CANX: variants seen among roughly 807,000 people sequenced by gnomAD.
The protein encoded by CANX is epididymis secretory sperm binding protein.
Under a neutral mutation model 75.7 loss-of-function variants are expected in CANX, and 14 were observed. The observed-to-expected ratio is 0.19, with a 90% CI of 0.12 to 0.29. CANX has a LOEUF of 0.29. Ranked by LOEUF, CANX falls within the 10% of genes least tolerant of loss-of-function variation. The pLI, the probability that CANX is intolerant of heterozygous loss-of-function variation, is 1.00. For synonymous variants in CANX, 227 were observed against 236.9 expected (o/e 0.96, Z 0.38); for missense variants, 567 against 713.2 (o/e 0.79, Z 2.34).
chr5:179,708,458 T>A lies in CANX; in HGVS notation c.446+78T>A, dbSNP rs536004814. 3.7e-5 allele frequency: 49 copies of A among 1,334,232 alleles called. No homozygotes were observed. In the African/African-American group the frequency reaches 6.6e-4, roughly 18 times the overall value. 82.6% of individuals were successfully genotyped at this position (1,334,232 alleles called of 1,614,324 possible). ...GACATTATGTAACTTTTACTCTATG[T>A]TAAAAAATTATGAGATTATATAAGT... On this transcript the variant is annotated intron_variant, in intron 5 of 14. Transcript: ENST00000247461.
At chr5:179,694,508 C>T (rs1005449362), upstream of CANX, 3 of 758,718 alleles carry the variant, frequency 4.0e-6, no homozygotes, top group South Asian at 1.4e-5. Context: ...AAATCCGCCC[C>T]AAGATCAAAT....
intron 1 of CANX, 131 bp from the exon 2 acceptor site, chr5:179,705,548 G>A: frequency 1.4e-6 from 1 of 693,126 alleles, no homozygotes; most frequent in Non-Finnish European, 2.5e-6. Flanking sequence ...CTTTATCTAT[G>A]AAATGAAATA....
In CANX at chr5:179,720,371, C is replaced by A. The variant is rs199507821; in HGVS notation, c.1026-33C>A. ...CTGTTCATAGTCCTGCATCACAGAACCTGTTTATAATTTGTTGTTTGTACC... is the reference window on the plus strand; with the variant it reads ...CTGTTCATAGTCCTGCATCACAGAAACTGTTTATAATTTGTTGTTTGTACC... On this transcript the variant is annotated intron_variant, in intron 9 of 14. Coordinates refer to ENST00000247461, the MANE Select transcript of CANX (RefSeq NM_001746.4). 6 of 1,597,750 alleles carry A rather than the reference C, an allele frequency of 3.8e-6. No homozygotes were observed. In the East Asian group the frequency reaches 1.1e-4, roughly 30 times the overall value.
chr5:179,718,059 C>T (rs1778072720), intron 8 of CANX, among the ~76,000 whole-genome samples: 1 of 152,072 alleles, frequency 6.6e-6, no homozygotes, highest in African/African-American at 2.4e-5. Context: ...GGTGGGAGTA[C>T]AGTGGTACGG....
chr5:179,690,606 A>G (rs1017368161), intron 1 of CANX, among the ~76,000 whole-genome samples: 1 of 150,108 alleles, frequency 6.7e-6, no homozygotes, highest in Non-Finnish European at 1.5e-5. Flanking sequence ...AAAATCTGAA[A>G]AAAGGCTGGG....
At chr5:179,694,474 C>G (rs1049556661), upstream of CANX, 3 of 724,966 alleles carry the variant, frequency 4.1e-6, no homozygotes, top group Middle Eastern at 3.6e-4. Context: ...AGGCCACCAT[C>G]TGGATTCTTC....
At position 179,699,046 on chromosome 5, in the gene CANX, CA is replaced by C; in HGVS notation, c.-58del. On this transcript the variant is annotated 5_prime_UTR_variant, in exon 1 of 15. Transcript: ENST00000247461. ...CCTCTCTCTTTACTGCGGCGCGGGG[CA>C]AGGTGTGCGGGCGGGAAGGGGCACG... The C allele has an allele frequency of 9.0e-7, 1 of 1,110,016 alleles. No homozygotes were observed. The highest frequency in any genetic ancestry group is 1.1e-6 in the Non-Finnish European group (1 of 902,510). 68.8% of individuals were successfully genotyped at this position (1,110,016 alleles called of 1,614,324 possible).
At chr5:179,702,331 C>G (rs759978932) in intron 1 of CANX, among the ~76,000 whole-genome samples, 58 of 152,000 alleles carry the variant, frequency 3.8e-4, no homozygotes, top group South Asian at 2.3e-3. Flanking sequence ...GGATTACACG[C>G]GCGAGCCACG....
Position 179,683,353 on chromosome 5 carries a change from T to A in CANX, c.-4+4576T>A, listed in dbSNP as rs187766091. ...TTTCACCGTGTTGGCCAGGATGGTC[T>A]CGATCTCCTGACCTTGTGATCCGCC... On this transcript the variant is annotated intron_variant, in intron 1 of 14. Coordinates refer to the CANX transcript ENST00000681674. 9.2e-5 allele frequency among the ~76,000 whole-genome samples: 14 copies of A among 152,084 alleles called. No homozygotes were observed. In the East Asian group the frequency reaches 2.7e-3, roughly 29 times the overall value.
intron 1 of CANX, among the ~76,000 whole-genome samples, chr5:179,685,459 G>C (rs1776173671): frequency 6.6e-6 from 1 of 151,542 alleles, no homozygotes; most frequent in Admixed American, 6.6e-5. Context: ...TGTTGGTCAG[G>C]CTGGTCTTGA....
At chr5:179,702,363 A>G (rs1239852906) in intron 1 of CANX, among the ~76,000 whole-genome samples, 3 of 152,016 alleles carry the variant, frequency 2.0e-5, no homozygotes, top group Admixed American at 6.6e-5. Flanking sequence ...GAGACCAGAA[A>G]TTAAGCTCAG....
At chr5:179,719,322 G>C (rs544064650) in intron 8 of CANX, among the ~76,000 whole-genome samples, 3 of 152,080 alleles carry the variant, frequency 2.0e-5, no homozygotes, top group Admixed American at 2.0e-4. Context: ...AAGTGGTATC[G>C]TTTTGATTTG....
At chr5:179,702,474 T>TA (rs1361852020) in intron 1 of CANX, among the ~76,000 whole-genome samples, 1 of 152,036 alleles carries the variant, frequency 6.6e-6, no homozygotes, top group Non-Finnish European at 1.5e-5. Context: ...TTATTTTACT[T>TA]ACCATATTGT....
chr5:179,693,145 CAA>C (rs766961125), intron 1 of CANX, among the ~76,000 whole-genome samples: 78 of 92,972 alleles, frequency 8.4e-4, no homozygotes, highest in Non-Finnish European at 1.2e-3. Context: ...AACTCCGTCT[CAA>C]AAAAAAAAAA....
intron 1 of CANX, among the ~76,000 whole-genome samples, chr5:179,688,821 C>A (rs1031249155): frequency 6.7e-6 from 1 of 148,910 alleles, no homozygotes; most frequent in African/African-American, 2.5e-5. Context: ...ACTAAAAATA[C>A]GAAAATTAGC....
At chr5:179,720,982 C>A (rs1778274539) in intron 10 of CANX, among the ~76,000 whole-genome samples, 1 of 151,978 alleles carries the variant, frequency 6.6e-6, no homozygotes, top group African/African-American at 2.4e-5. Context: ...TGGTGTTTCA[C>A]CATGTTGGCC....
intron 11 of CANX, chr5:179,723,429 A>G (rs949751266): frequency 8.3e-6 from 4 of 479,822 alleles, no homozygotes; most frequent in African/African-American, 4.0e-5. Flanking sequence ...AGCCTTTTGC[A>G]GGTGATGTAG....
intron 7 of CANX, among the ~76,000 whole-genome samples, chr5:179,712,171 T>G (rs550831281): frequency 1.4e-4 from 22 of 151,980 alleles, no homozygotes; most frequent in Admixed American, 3.9e-4. Context: ...CTTCCTTTTT[T>G]TTGTTGTTGT....
At chr5:179,698,857 G>A, upstream of CANX, 1 of 1,042,366 alleles carries the variant, frequency 9.6e-7, no homozygotes, top group African/African-American at 1.7e-5. Flanking sequence ...CCGGCCAACC[G>A]GATGTCGGGG....
Sources: allele counts gnomAD v4.1 joint callset (sites outside exome capture counted in the v4.1 genomes callset), GRCh38; gene constraint gnomAD v4.1.1; transcripts MANE v1.5; gene names NCBI Gene and HGNC (gene_info 2026-07-23, HGNC 2026-07-21).